FAM114A1: variants seen among roughly 807,000 people sequenced by gnomAD.
FAM114A1 encodes protein NOXP20.
Under a neutral mutation model 64.3 loss-of-function variants are expected in FAM114A1, and 62 were observed. The observed-to-expected ratio is 0.96, with a 90% confidence interval of 0.79 to 1.19. FAM114A1 has a LOEUF of 1.19. Among genes scored for constraint, FAM114A1 ranks in the 50% most tolerant of loss-of-function variants. The pLI is 0.00. For synonymous variants in FAM114A1, 254 were observed against 251.1 expected (o/e 1.01, Z -0.11); for missense variants, 645 against 676.3 (o/e 0.95, Z 0.51).
Position 38,927,638 on chromosome 4 carries a change from A to G in FAM114A1, c.1070-1604A>G, listed in dbSNP as rs1278451757. 2.6e-5 allele frequency among the ~76,000 whole-genome samples: 4 copies of G among 152,166 alleles called. No homozygotes were observed. The East Asian group carries it at 7.7e-4, about 29-fold the overall frequency. On this transcript the variant is annotated intron_variant, in intron 9 of 14. Coordinates refer to ENST00000358869, the MANE Select transcript of FAM114A1 (RefSeq NM_138389.4). Reference sequence around the variant, plus strand: ...CTAGCCCTGTTTATACTTCTCCATAAAACGTATCCCTTGACGTTGATGTTA... The same window carrying G: ...CTAGCCCTGTTTATACTTCTCCATAGAACGTATCCCTTGACGTTGATGTTA...
intron 12 of FAM114A1, among the ~76,000 whole-genome samples, chr4:38,933,513 G>A (rs998348484): frequency 6.6e-6 from 1 of 152,166 alleles, no homozygotes; most frequent in Non-Finnish European, 1.5e-5. Flanking sequence ...GTGCATGTAT[G>A]TGTTGTCCTA....
chr4:38,878,316 C>T lies in FAM114A1; in HGVS notation c.238C>T (p.Pro80Ser). Residue 80 changes from proline (P) to serine (S), a missense_variant, in exon 3 of 15, where the codon CCC becomes TCC. Transcript: ENST00000358869. The part of the protein sequence containing the change: ...VQPQDANALE[P>S]PLNGDVTEDT... ...GCCTCAGGATGCCAACGCCCTGGAG[C>T]CCCCTCTCAATGGAGACGTGACTGA... 1 of 1,614,236 alleles carries T rather than the reference C, an allele frequency of 6.2e-7. No homozygotes were observed. Among genetic ancestry groups the T allele is most frequent in the Non-Finnish European group, 8.5e-7 (1 of 1,180,040 alleles).
intron 13 of FAM114A1, among the ~76,000 whole-genome samples, chr4:38,938,306 G>A (rs1721277640): frequency 1.3e-5 from 2 of 152,132 alleles, no homozygotes; most frequent in African/African-American, 4.8e-5. Flanking sequence ...AATGACCATG[G>A]TACTGGCTGT....
intron 8 of FAM114A1, among the ~76,000 whole-genome samples, chr4:38,919,348 C>G (rs1445921284): frequency 1.3e-5 from 2 of 152,196 alleles, no homozygotes; most frequent in African/African-American, 2.4e-5. Flanking sequence ...GCAGCTCTAT[C>G]TCTCACCCCA....
intron 5 of FAM114A1, 40 bp downstream of exon 5, chr4:38,905,675 T>C (rs754142280): frequency 9.3e-6 from 15 of 1,608,716 alleles, no homozygotes; most frequent in Non-Finnish European, 1.3e-5. Flanking sequence ...TGGACTTTAT[T>C]ACACCATGTG....
At chr4:38,930,615 A>G (rs1579401444) in intron 10 of FAM114A1, among the ~76,000 whole-genome samples, 1 of 152,308 alleles carries the variant, frequency 6.6e-6, no homozygotes, top group East Asian at 1.9e-4. Flanking sequence ...TCTTGCTGTT[A>G]ACTTACCATT....
intron 8 of FAM114A1, among the ~76,000 whole-genome samples, chr4:38,919,978 G>GT (rs1719433760): frequency 6.6e-6 from 1 of 152,194 alleles, no homozygotes; most frequent in Non-Finnish European, 1.5e-5. Flanking sequence ...GGAGGCCAAG[G>GT]TAGGCAGATC....
chr4:38,921,646 A>G (rs185390339), intron 8 of FAM114A1, among the ~76,000 whole-genome samples: 1 of 152,312 alleles, frequency 6.6e-6, no homozygotes, highest in Non-Finnish European at 1.5e-5. Context: ...CGTCAGTCCC[A>G]GCATCACCTC....
intron 3 of FAM114A1, among the ~76,000 whole-genome samples, chr4:38,879,344 G>A (rs1714980989): frequency 6.6e-6 from 1 of 152,152 alleles, no homozygotes; most frequent in South Asian, 2.1e-4. Flanking sequence ...ATGATGTGAG[G>A]GACAGGAACT....
At chr4:38,908,053 T>A (rs1467842608) in intron 6 of FAM114A1, among the ~76,000 whole-genome samples, 1 of 152,224 alleles carries the variant, frequency 6.6e-6, no homozygotes, top group African/African-American at 2.4e-5. Context: ...CAGTTATTGC[T>A]AGTTTCTGAG....
intron 4 of FAM114A1, among the ~76,000 whole-genome samples, chr4:38,893,193 G>C (rs1375208824): frequency 1.3e-5 from 2 of 152,260 alleles, no homozygotes; most frequent in African/African-American, 2.4e-5. Flanking sequence ...AAAAATGTTT[G>C]AACTTAGTGG....
At chr4:38,932,117 A>C in intron 11 of FAM114A1, 118 bp from the exon 12 acceptor site, 1 of 1,144,942 alleles carries the variant, frequency 8.7e-7, no homozygotes, top group Non-Finnish European at 1.2e-6. Context: ...CAGGTTAACT[A>C]TTTCGGGTTA....
rs773421958 is a variant in FAM114A1 at position 38,878,299 on chromosome 4, A to G, written c.221A>G (p.Asp74Gly). The change falls in exon 3 of 15, where the codon GAT (aspartate) becomes GGT (glycine). Residue 74 changes from aspartate to glycine, a missense_variant. Physicochemically the swap from Asp to Gly is moderately conservative, Grantham distance 94 (BLOSUM62 -1). Transcript: ENST00000358869. Reference sequence around the variant, plus strand: ...ATTGGGCCCCCTGTGCAGCCTCAGGATGCCAACGCCCTGGAGCCCCCTCTC... The same window carrying G: ...ATTGGGCCCCCTGTGCAGCCTCAGGGTGCCAACGCCCTGGAGCCCCCTCTC... ...AAIGPPVQPQ[D>G]ANALEPPLNG... 1 of 1,614,250 alleles carries G rather than the reference A, an allele frequency of 6.2e-7. No individual in the cohort carries two copies. The highest frequency in any genetic ancestry group is 8.5e-7 in the Non-Finnish European group (1 of 1,180,036).
intron 4 of FAM114A1, among the ~76,000 whole-genome samples, chr4:38,905,218 G>A (rs565068758): frequency 1.2e-3 from 178 of 152,186 alleles, no homozygotes; most frequent in African/African-American, 4.1e-3. Context: ...CCAACACTTA[G>A]TGAAACCTAG....
chr4:38,902,629 C>T (rs1051723919), intron 4 of FAM114A1, among the ~76,000 whole-genome samples: 2 of 152,170 alleles, frequency 1.3e-5, no homozygotes, highest in Non-Finnish European at 1.5e-5. Flanking sequence ...CTTTGCAGCA[C>T]TCACCTTCTA....
Position 38,932,156 on chromosome 4 carries a change from T to C in FAM114A1, c.1324-79T>C, listed in dbSNP as rs1720695658. On this transcript the variant is annotated intron_variant, in intron 11 of 14. Transcript: ENST00000358869. ...TTGGGGTATTTTTGAAAGAATTATA[T>C]CACTTCTAATGTCACAGCATTTTTT... 2.8e-6 allele frequency: 4 copies of C among 1,447,932 alleles called. No homozygotes were observed. In the South Asian group the frequency reaches 4.1e-5, roughly 15 times the overall value. 89.7% of individuals were successfully genotyped at this position (1,447,932 alleles called of 1,614,324 possible).
intron 9 of FAM114A1, among the ~76,000 whole-genome samples, chr4:38,927,642 G>A (rs187925854): frequency 5.9e-5 from 9 of 152,216 alleles, no homozygotes; most frequent in Non-Finnish European, 1.2e-4. Flanking sequence ...TCCATAAAAC[G>A]TATCCCTTGA....
intron 13 of FAM114A1, among the ~76,000 whole-genome samples, chr4:38,940,028 AC>A (rs1194928405): frequency 6.6e-6 from 1 of 151,698 alleles, no homozygotes; most frequent in Non-Finnish European, 1.5e-5. Context: ...AGCTGGGATT[AC>A]AGGCACCTAC....
At chr4:38,920,265 G>T (rs954420098) in intron 8 of FAM114A1, among the ~76,000 whole-genome samples, 1 of 151,896 alleles carries the variant, frequency 6.6e-6, no homozygotes, top group African/African-American at 2.4e-5. Flanking sequence ...CCACAGTTAG[G>T]AATAGTAAAC....
Sources: gnomAD v4.1 joint callset for allele counts (sites outside exome capture counted in the v4.1 genomes callset) on GRCh38, gnomAD v4.1.1 for gene constraint, MANE v1.5 for transcripts, NCBI Gene and HGNC (gene_info 2026-07-23, HGNC 2026-07-21) for gene names.